CSTPP1: variants seen among roughly 807,000 people sequenced by gnomAD.
CSTPP1 encodes the protein UPF0705 protein C11orf49.
chr11:47,047,445 T>C, the CSTPP1 span, among the ~76,000 whole-genome samples: 3 of 152,332 alleles, frequency 2.0e-5, 1 homozygote, highest in Middle Eastern at 0.01. Flanking sequence ...TTTACATATA[T>C]GGTCATTTGA....
the CSTPP1 span, among the ~76,000 whole-genome samples, chr11:46,956,752 A>T: frequency 4.6e-5 from 7 of 152,090 alleles, no homozygotes; most frequent in Non-Finnish European, 8.8e-5. Context: ...ATATTATTTA[A>T]TGACTTTATA....
At chr11:47,157,205 C>A in the CSTPP1 span, 35 of 1,590,086 alleles carry the variant, frequency 2.2e-5, no homozygotes, top group Admixed American at 1.0e-4. Flanking sequence ...CCTGTGTGAT[C>A]GGCACAAGTA....
the CSTPP1 span, among the ~76,000 whole-genome samples, chr11:47,033,075 C>G: frequency 6.6e-6 from 1 of 152,138 alleles, no homozygotes; most frequent in Admixed American, 6.5e-5. Flanking sequence ...AGACCTCCAT[C>G]TTTTTCTTCT....
the CSTPP1 span, among the ~76,000 whole-genome samples, chr11:47,106,161 A>G: frequency 6.6e-6 from 1 of 152,188 alleles, no homozygotes; most frequent in African/African-American, 2.4e-5. Flanking sequence ...AACCGCTCCC[A>G]TGGCTGATTT....
At chr11:46,964,285 CTCTCT>C in the CSTPP1 span, among the ~76,000 whole-genome samples, 2 of 143,478 alleles carry the variant, frequency 1.4e-5, no homozygotes, top group Admixed American at 6.6e-5. Context: ...TTCTCTCTCT[CTCTCT>C]TTTTTTTTTT....
At chr11:47,161,891 G>A in the CSTPP1 span, 31 of 1,282,954 alleles carry the variant, frequency 2.4e-5, no homozygotes, top group Non-Finnish European at 2.6e-5. Context: ...AGACTGTGCT[G>A]AGGCCACCTT....
chr11:47,058,392 A>C, the CSTPP1 span, among the ~76,000 whole-genome samples: 3 of 152,158 alleles, frequency 2.0e-5, no homozygotes, highest in African/African-American at 7.2e-5. Flanking sequence ...ACAGCCCATA[A>C]CCAGGAGAAA....
the CSTPP1 span, among the ~76,000 whole-genome samples, chr11:46,962,697 C>G: frequency 6.6e-6 from 1 of 152,128 alleles, no homozygotes; most frequent in Admixed American, 6.5e-5. Flanking sequence ...TCATAGTTAG[C>G]ACTGTTTTCT....
chr11:47,034,353 T>G, the CSTPP1 span, among the ~76,000 whole-genome samples: 1 of 152,108 alleles, frequency 6.6e-6, no homozygotes, highest in Admixed American at 6.6e-5. Flanking sequence ...CACAAAATAG[T>G]AGAGTTAGCC....
At chr11:47,103,379 A>C in the CSTPP1 span, among the ~76,000 whole-genome samples, 1 of 148,900 alleles carries the variant, frequency 6.7e-6, no homozygotes, top group African/African-American at 2.4e-5. Context: ...TGGCCTGGGC[A>C]ACAAAGCAAG....
chr11:47,103,895 G>A, the CSTPP1 span: 2 of 151,752 alleles, frequency 1.3e-5, no homozygotes, highest in African/African-American at 2.4e-5. Flanking sequence ...TCAAACTGCT[G>A]AGCTCAAGTG....
At chr11:46,979,177 G>A in the CSTPP1 span, among the ~76,000 whole-genome samples, 1 of 151,858 alleles carries the variant, frequency 6.6e-6, no homozygotes, top group Non-Finnish European at 1.5e-5. Flanking sequence ...TGAACTCCTG[G>A]GCTCAAGGGA....
chr11:46,972,350 GA>G, the CSTPP1 span, among the ~76,000 whole-genome samples: 4 of 152,266 alleles, frequency 2.6e-5, no homozygotes, highest in South Asian at 8.3e-4. Context: ...AAAGAGATAG[GA>G]CAGGGATTAG....
At chr11:47,161,770 G>A in the CSTPP1 span, 1 of 1,429,632 alleles carries the variant, frequency 7.0e-7, no homozygotes, top group South Asian at 1.5e-5. Flanking sequence ...ACAGCCCCAA[G>A]ACCAGCCAGA....
chr11:47,003,941 T>C, the CSTPP1 span, among the ~76,000 whole-genome samples: 4 of 152,198 alleles, frequency 2.6e-5, no homozygotes, highest in Admixed American at 2.6e-4. Flanking sequence ...AGGGTTGTTA[T>C]GCAAATCACA....
the CSTPP1 span, among the ~76,000 whole-genome samples, chr11:46,946,869 C>G: frequency 1.4e-4 from 22 of 152,104 alleles, no homozygotes; most frequent in Admixed American, 1.4e-3. Context: ...CAATGCTTGG[C>G]CCAAATGAAG....
the CSTPP1 span, among the ~76,000 whole-genome samples, chr11:47,094,631 C>T: frequency 6.6e-6 from 1 of 152,072 alleles, no homozygotes; most frequent in Admixed American, 6.5e-5. Context: ...TCAGTTAAAC[C>T]TCAATAAAGC....
the CSTPP1 span, among the ~76,000 whole-genome samples, chr11:46,970,758 A>T: frequency 6.6e-6 from 1 of 152,194 alleles, no homozygotes; most frequent in Non-Finnish European, 1.5e-5. Flanking sequence ...TACAGAAAAT[A>T]AATGACACAA....
chr11:47,106,309 C>G, the CSTPP1 span, among the ~76,000 whole-genome samples: 1 of 152,122 alleles, frequency 6.6e-6, no homozygotes, highest in African/African-American at 2.4e-5. Context: ...AAAGCTACAC[C>G]TGATTGTTTG....
Sources: allele counts gnomAD v4.1 joint callset (sites outside exome capture counted in the v4.1 genomes callset), GRCh38; gene constraint gnomAD v4.1.1; transcripts MANE v1.5; gene names NCBI Gene and HGNC (gene_info 2026-07-23, HGNC 2026-07-21).